The following CLUL1 variants were observed in gnomAD, a reference collection of about 807,000 sequenced individuals.
CLUL1 encodes clusterin like 1, also known as clusterin-like protein 1.
CLUL1 carries 43 observed loss-of-function variants against 49.4 expected under a neutral mutation model. That is an observed-to-expected ratio of 0.87 (90% CI 0.68 to 1.12). CLUL1 has a LOEUF of 1.12. Ranked by LOEUF, CLUL1 falls within the 50% of genes most tolerant of loss-of-function variation. CLUL1 has a pLI of 0.00. For synonymous variants in CLUL1, 192 were observed against 184.9 expected, an observed-to-expected ratio of 1.04 and a Z score of -0.31; for missense variants, 486 against 544.4, an observed-to-expected ratio of 0.89 and a Z score of 1.07.
At chr18:628,944 C>T (rs538382716) in intron 6 of CLUL1, among the ~76,000 whole-genome samples, 37 of 152,152 alleles carry the variant, frequency 2.4e-4, no homozygotes, top group African/African-American at 8.7e-4. Context: ...GCCACCACAC[C>T]CAGCCAGCCA....
chr18:604,222 G>A (rs1212652636), intron 1 of CLUL1, among the ~76,000 whole-genome samples: 2 of 152,196 alleles, frequency 1.3e-5, no homozygotes, highest in African/African-American at 4.8e-5. Context: ...TCCAAGTTGT[G>A]TGTATCAATA....
intron 9 of CLUL1, among the ~76,000 whole-genome samples, chr18:648,862 TGGCCG>T (rs2074593517): frequency 6.6e-6 from 1 of 152,154 alleles, no homozygotes; most frequent in Non-Finnish European, 1.5e-5. Flanking sequence ...TTTACCATGT[TGGCCG>T]GGCTGGTCTC....
Position 619,227 on chromosome 18 carries a change from G to T in CLUL1, c.121G>T (p.Gly41Trp). ...SENLKSFSEV[G>W]EIDADEEVKK... ...ATGTCTTTTAGGTTTTTCTGAGGTG[G>T]GGGAGATAGATGCAGATGAAGAGGT... The change falls in exon 4 of 10, where the codon GGG (glycine) becomes TGG (tryptophan). Residue 41 changes from glycine to tryptophan, a missense_variant. Gly to Trp is a radical substitution (Grantham distance 184, BLOSUM62 -2). Transcript: ENST00000692774. 1 of 1,613,332 alleles carries T rather than the reference G, an allele frequency of 6.2e-7. No homozygotes were observed. Among genetic ancestry groups the T allele is most frequent in the Non-Finnish European group, 8.5e-7 (1 of 1,179,818 alleles).
intron 4 of CLUL1, among the ~76,000 whole-genome samples, chr18:620,719 A>G (rs2073466975): frequency 6.6e-6 from 1 of 152,216 alleles, no homozygotes; most frequent in African/African-American, 2.4e-5. Flanking sequence ...AATGGAGAAT[A>G]CATATTATAT....
chr18:603,381 G>A (rs1364005997), intron 1 of CLUL1, among the ~76,000 whole-genome samples: 1 of 152,076 alleles, frequency 6.6e-6, no homozygotes, highest in African/African-American at 2.4e-5. Context: ...CTAAAACAGG[G>A]CAGAAGTAGG....
chr18:619,651 G>A (rs770247383), intron 4 of CLUL1, among the ~76,000 whole-genome samples: 8 of 145,240 alleles, frequency 5.5e-5, no homozygotes, highest in Non-Finnish European at 1.1e-4. Flanking sequence ...AGGATATTGA[G>A]TCAAAAGTAT....
chr18:599,922 T>G (rs890839805), intron 1 of CLUL1, among the ~76,000 whole-genome samples: 3 of 148,596 alleles, frequency 2.0e-5, no homozygotes, highest in African/African-American at 7.5e-5. Flanking sequence ...CACTCCAGTC[T>G]GGGCTACAGA....
rs535167376 is a variant in CLUL1, at chr18:645,318, A to G, written c.1397+221A>G. ...TGTGATGAAATGGGAATTCTCATAT[A>G]TCATGTATTGGTGGGAACATAATTG... On this transcript the variant is annotated intron_variant, in intron 9 of 9. Transcript: ENST00000692774. The G allele has an allele frequency of 3.0e-4, 125 of 411,916 alleles. 1 individual carries two copies. Among genetic ancestry groups the G allele is most frequent in the South Asian group, 4.3e-4 (7 of 16,194 alleles). 25.5% of individuals were successfully genotyped at this position (411,916 alleles called of 1,614,324 possible).
At chr18:641,235 A>T in intron 7 of CLUL1, 92 bp from the exon 8 acceptor site, 1 of 992,008 alleles carries the variant, frequency 1.0e-6, no homozygotes, top group Non-Finnish European at 1.5e-6. Context: ...AGGGGAAAAT[A>T]GAGAATGTAA....
intron 6 of CLUL1, among the ~76,000 whole-genome samples, chr18:629,505 G>C (rs552285447): frequency 6.6e-6 from 1 of 152,234 alleles, no homozygotes; most frequent in South Asian, 2.1e-4. Context: ...TTCAACCACT[G>C]TAACCCCCTC....
chr18:617,735 T>A (rs1410111410), intron 2 of CLUL1, among the ~76,000 whole-genome samples: 1 of 151,694 alleles, frequency 6.6e-6, no homozygotes, highest in Non-Finnish European at 1.5e-5. Flanking sequence ...TTGCATTGAG[T>A]TTCAAGTACT....
Position 618,007 on chromosome 18 carries a change from C to G in CLUL1, c.7C>G (p.Pro3Ala). ...TTGCAGTAACAGCGGGAACATGAAG[C>G]CGCCACTCTTGGTGTTTATTGTGTG... is the stretch of plus-strand genomic sequence containing the variant. MK[P>A]PLLVFIVCLL... The change falls in exon 3 of 10, where the codon CCG becomes GCG. Residue 3 changes from proline to alanine, a missense_variant. Coordinates refer to ENST00000692774, the MANE Select transcript of CLUL1 (RefSeq NM_001393344.1). This position sits in a 1 kb window ranked among gnomAD's most constrained non-coding sequence, Gnocchi z 4.2. 6.2e-7 allele frequency: 1 copy of G among 1,613,948 alleles called. No homozygotes were observed. The highest frequency in any genetic ancestry group is 1.1e-5 in the South Asian group (1 of 91,046).
intron 7 of CLUL1, among the ~76,000 whole-genome samples, chr18:639,685 A>G (rs1407049443): frequency 6.6e-6 from 1 of 152,016 alleles, no homozygotes; most frequent in African/African-American, 2.4e-5. Context: ...GTATCACTTG[A>G]TCCCAGGAAG....
At chr18:636,452 A>G (rs1342459123) in intron 7 of CLUL1, among the ~76,000 whole-genome samples, 1 of 152,162 alleles carries the variant, frequency 6.6e-6, no homozygotes, top group Non-Finnish European at 1.5e-5. Flanking sequence ...AAATTAATGC[A>G]TTGCAGAGGT....
At chr18:648,118 G>A (rs902648767) in intron 9 of CLUL1, among the ~76,000 whole-genome samples, 2 of 152,222 alleles carry the variant, frequency 1.3e-5, no homozygotes, top group South Asian at 4.1e-4. Flanking sequence ...GCTGGGCTGT[G>A]GAGTCTGAGG....
intron 1 of CLUL1, among the ~76,000 whole-genome samples, chr18:598,825 C>T (rs1293800152): frequency 6.6e-6 from 1 of 152,076 alleles, no homozygotes; most frequent in Admixed American, 6.6e-5. Flanking sequence ...AAAAAAAGCA[C>T]CCCCTCTTTC....
At chr18:647,251 G>C (rs1451960926) in intron 9 of CLUL1, among the ~76,000 whole-genome samples, 2 of 152,108 alleles carry the variant, frequency 1.3e-5, no homozygotes, top group African/African-American at 4.8e-5. Flanking sequence ...AGAAAGAGTA[G>C]AGCATCTAGG....
rs547348693 is a variant in CLUL1, at chr18:641,458, G to T, written c.1126G>T (p.Glu376Ter). 4 of 1,614,200 alleles carry T rather than the reference G, an allele frequency of 2.5e-6. No individual in the cohort carries two copies. The highest frequency in any genetic ancestry group is 2.2e-5 in the East Asian group (1 of 44,882). The stretch of plus-strand genomic sequence containing the variant: ...CTTGGAGGACACCGCCTATCTGGTG[G>T]AGAAGATGAGAGGGCAATTTGGCTG... Reference protein sequence around the residue: ...KHLEDTAYLVEKMRGQFGWVS... With the variant: ...KHLEDTAYLV The change falls in exon 8 of 10, where the codon GAG (glutamate) becomes TAG (stop). Residue 376 changes from glutamate (E) to a stop codon, truncating the protein, a stop_gained. Transcript: ENST00000692774. LOFTEE classifies it high-confidence loss of function.
intron 2 of CLUL1, 22 bp from the exon 3 acceptor site, chr18:617,966 C>T (rs1598418410): frequency 6.3e-7 from 1 of 1,591,290 alleles, no homozygotes; most frequent in East Asian, 2.2e-5. Flanking sequence ...ACATTTGATG[C>T]GGGTTTATTT....
Sources: gnomAD v4.1 joint callset for allele counts (sites outside exome capture counted in the v4.1 genomes callset) on GRCh38, gnomAD v4.1.1 for gene constraint, Gnocchi (gnomAD v3.1) non-coding constraint, MANE v1.5 for transcripts, NCBI Gene and HGNC (gene_info 2026-07-23, HGNC 2026-07-21) for gene names.